NUP42: variants seen among roughly 807,000 people sequenced by gnomAD.
NUP42 encodes the protein nucleoporin 42, also known as nucleoporin NUP42.
In NUP42, 47 loss-of-function variants were observed where a neutral mutation model predicts 35.9. The observed-to-expected ratio is 1.31, with a 90% CI of 1.04 to 1.67. The LOEUF is 1.67. Among genes scored for constraint, NUP42 ranks in the 40% most tolerant of loss-of-function variants. NUP42 has a pLI of 0.00. For missense variants in NUP42, 514 were observed against 492.2 expected, an observed-to-expected ratio of 1.04 and a Z score of -0.42; for synonymous variants, 173 against 173.3, an observed-to-expected ratio of 1.00 and a Z score of 0.01.
At chr7:23,190,662 ATAC>A (rs1260280891) in intron 3 of NUP42, among the ~76,000 whole-genome samples, 3 of 152,206 alleles carry the variant, frequency 2.0e-5, no homozygotes, top group Non-Finnish European at 4.4e-5. Context: ...TAATAGAATG[ATAC>A]TACTTTTGTC....
chr7:23,190,040 G>A (rs1284343746), intron 3 of NUP42, among the ~76,000 whole-genome samples: 1 of 152,154 alleles, frequency 6.6e-6, no homozygotes, highest in South Asian at 2.1e-4. Context: ...ATGCATGGCT[G>A]AAAGTCCATT....
At chr7:23,187,947 T>G in intron 3 of NUP42, 3 of 536,334 alleles carry the variant, frequency 5.6e-6, no homozygotes, top group Non-Finnish European at 3.2e-6. Flanking sequence ...TCTCTCTCTC[T>G]CTCTCTGGCC....
At chr7:23,186,193 A>G (rs1050375132) in intron 2 of NUP42, among the ~76,000 whole-genome samples, 3 of 152,222 alleles carry the variant, frequency 2.0e-5, no homozygotes, top group Non-Finnish European at 4.4e-5. Flanking sequence ...ATGCTTGGCT[A>G]TCTGTAATGT....
Position 23,200,811 on chromosome 7 carries a change from G to C in NUP42, c.*66G>C, listed in dbSNP as rs1167990425. ...TGCTTTGAGTGATTCATACAGAGAT[G>C]TATATATGCATACATGTATATATTC... On this transcript the variant is annotated 3_prime_UTR_variant, in exon 7 of 7. Transcript: ENST00000258742. 3.1e-6 allele frequency: 3 copies of C among 954,778 alleles called. No homozygotes were observed. The South Asian group carries it at 5.2e-5, about 17-fold the overall frequency. 59.1% of individuals were successfully genotyped at this position (954,778 alleles called of 1,614,324 possible).
chr7:23,197,342 A>G, intron 5 of NUP42: 1 of 543,304 alleles, frequency 1.8e-6, no homozygotes, highest in African/African-American at 2.0e-5. Context: ...TAATATTTCC[A>G]ATTTCTCAGA....
intron 3 of NUP42, chr7:23,195,563 T>C: frequency 3.6e-6 from 1 of 274,772 alleles, no homozygotes; most frequent in Non-Finnish European, 6.7e-6. Context: ...AGTTTGAATA[T>C]AAATGTAGTC....
rs572788556 is a variant in NUP42, at chr7:23,200,145, T to G, written c.695-23T>G. On this transcript the variant is annotated intron_variant, in intron 6 of 6. Coordinates refer to ENST00000258742, the MANE Select transcript of NUP42 (RefSeq NM_007342.3). ...ACCGTAATAGATTTTTGTTGTTTTT[T>G]TTGTTGTTGTTGTTGTTTGTAGGCT... 2.1e-4 allele frequency: 296 copies of G among 1,443,816 alleles called. 1 individual carries two copies. The highest frequency in any genetic ancestry group is 9.8e-4 in the East Asian group (42 of 42,876). The allele number at this position is 1,443,816 out of a possible 1,614,324, so 89.4% of individuals were successfully genotyped here.
chr7:23,196,260 C>G (rs922046524), intron 4 of NUP42: 1 of 204,072 alleles, frequency 4.9e-6, no homozygotes, highest in African/African-American at 2.4e-5. Flanking sequence ...AAGATACAGT[C>G]TGTAATACAG....
chr7:23,192,359 TGTG>T (rs2128473863), intron 3 of NUP42, among the ~76,000 whole-genome samples: 1 of 151,868 alleles, frequency 6.6e-6, no homozygotes, highest in Non-Finnish European at 1.5e-5. Context: ...ACCTGGCCAA[TGTG>T]GTGAAACCCC....
At chr7:23,192,469 C>G (rs946130002) in intron 3 of NUP42, among the ~76,000 whole-genome samples, 2 of 150,262 alleles carry the variant, frequency 1.3e-5, no homozygotes, top group South Asian at 2.1e-4. Flanking sequence ...ATTGCCTGAA[C>G]CCAGGAGGCC....
intron 3 of NUP42, chr7:23,188,040 G>A: frequency 7.4e-7 from 1 of 1,354,352 alleles, no homozygotes; most frequent in Non-Finnish European, 9.8e-7. Flanking sequence ...TAGTCCCTAA[G>A]CCCTTTCTGG....
Position 23,200,978 on chromosome 7 carries a change from T to G in NUP42, c.*233T>G. 3.6e-6 allele frequency: 1 copy of G among 274,538 alleles called. No individual in the cohort carries two copies. The highest frequency in any genetic ancestry group is 6.7e-6 in the Non-Finnish European group (1 of 148,892). The allele number at this position is 274,538 out of a possible 1,614,324, so 17.0% of individuals were successfully genotyped here. The stretch of plus-strand genomic sequence containing the variant: ...AATTTTGAATGGAACTGAAAAATTA[T>G]GCACGAATAAAGTACTTTTCTCATG... On this transcript the variant is annotated 3_prime_UTR_variant, in exon 7 of 7. Transcript: ENST00000258742.
chr7:23,186,676 T>A (rs1002371750), intron 2 of NUP42, among the ~76,000 whole-genome samples: 6 of 152,216 alleles, frequency 3.9e-5, no homozygotes, highest in Non-Finnish European at 5.9e-5. Flanking sequence ...ATTTTAGATT[T>A]TAATTCCTAA....
chr7:23,193,048 C>G (rs1035486226), intron 3 of NUP42, among the ~76,000 whole-genome samples: 1 of 151,792 alleles, frequency 6.6e-6, no homozygotes, highest in South Asian at 2.1e-4. Context: ...TGTGGACCTT[C>G]GCGGTGAGTG....
intron 5 of NUP42, chr7:23,198,525 CT>C (rs1324060426): frequency 3.3e-5 from 5 of 152,140 alleles, no homozygotes; most frequent in Non-Finnish European, 5.9e-5. Flanking sequence ...GCTTTTGAGG[CT>C]TCCAAATGAA....
intron 3 of NUP42, among the ~76,000 whole-genome samples, chr7:23,190,330 T>C (rs1785747718): frequency 6.6e-6 from 1 of 152,280 alleles, no homozygotes; most frequent in South Asian, 2.1e-4. Context: ...AGCAGTCTTC[T>C]ATTAAGCCAA....
chr7:23,182,369 T>C, intron 1 of NUP42, 163 bp downstream of exon 1: 1 of 1,430,152 alleles, frequency 7.0e-7, no homozygotes, highest in South Asian at 1.5e-5. Flanking sequence ...CCGAGGGTTT[T>C]ATCTACATAT....
chr7:23,190,940 G>A (rs1053512606), intron 3 of NUP42, among the ~76,000 whole-genome samples: 12 of 152,202 alleles, frequency 7.9e-5, no homozygotes, highest in African/African-American at 2.7e-4. Flanking sequence ...TAGGCAATTA[G>A]GGGAACAATA....
chr7:23,189,803 C>G (rs558271699), intron 3 of NUP42, among the ~76,000 whole-genome samples: 11 of 151,314 alleles, frequency 7.3e-5, no homozygotes, highest in African/African-American at 2.7e-4. Context: ...GTCCTAGCTA[C>G]TTGGGAGGCT....
Sources: gnomAD v4.1 joint callset for allele counts (sites outside exome capture counted in the v4.1 genomes callset) on GRCh38, gnomAD v4.1.1 for gene constraint, MANE v1.5 for transcripts, NCBI Gene and HGNC (gene_info 2026-07-23, HGNC 2026-07-21) for gene names.